The following OLFML3 variants were observed in gnomAD, a reference collection of about 807,000 sequenced individuals.
The protein encoded by OLFML3 is olfactomedin like 3.
A neutral mutation model predicts 36.0 loss-of-function variants in OLFML3; 26 were observed. That is an observed-to-expected ratio of 0.72 (90% CI 0.53 to 1.00). The LOEUF is 1.00. Ranked by LOEUF, OLFML3 falls within the 50% of genes least tolerant of loss-of-function variation. The pLI is 0.00. For synonymous variants in OLFML3, 184 were observed against 201.2 expected (o/e 0.91, Z 0.72); for missense variants, 503 against 519.4 (o/e 0.97, Z 0.31).
chr1:113,982,164 T>C lies in OLFML3; in HGVS notation c.*395T>C. 1 of 266,330 alleles carries C rather than the reference T, an allele frequency of 3.8e-6. No homozygotes were observed. The highest frequency in any genetic ancestry group is 4.2e-5 in the South Asian group (1 of 23,612). 16.5% of individuals were successfully genotyped at this position (266,330 alleles called of 1,614,324 possible). On this transcript the variant is annotated 3_prime_UTR_variant, in exon 3 of 3. Coordinates refer to ENST00000320334, the MANE Select transcript of OLFML3 (RefSeq NM_020190.5). Reference sequence around the variant, plus strand: ...GACGTCCAGCTCTGTCCTCTCTTCCTCACTCCTCCCTTCAGTGTCCTGAGG... The same window carrying C: ...GACGTCCAGCTCTGTCCTCTCTTCCCCACTCCTCCCTTCAGTGTCCTGAGG...
rs975436952 is a variant in OLFML3, at chr1:113,982,149, T to A, written c.*380T>A. The A allele has an allele frequency of 1.0e-5, 3 of 289,298 alleles. No individual in the cohort carries two copies. Among genetic ancestry groups the A allele is most frequent in the African/African-American group, 2.3e-5 (1 of 44,274 alleles). The allele number at this position is 289,298 out of a possible 1,614,324, so 17.9% of individuals were successfully genotyped here. A position where few individuals can be genotyped will look rare whatever the true frequency, so the allele number is the denominator to read the frequency against. On this transcript the variant is annotated 3_prime_UTR_variant, in exon 3 of 3. Transcript: ENST00000320334. ...GGAGAAATAGGAGGAGACGTCCAGC[T>A]CTGTCCTCTCTTCCTCACTCCTCCC...
Position 113,981,565 on chromosome 1 carries a change from T to C in OLFML3, c.1017T>C (p.Pro339=). The change falls in exon 3 of 3, where the codon CCT becomes CCC. Residue 339 remains proline, a synonymous_variant. Transcript: ENST00000320334. ...GTLYVVYNTR[P]ASRARIQCSF... ...TCTATGTCGTCTATAACACCCGTCC[T>C]GCCAGTCGGGCCCGCATCCAGTGCT... 6.2e-7 allele frequency: 1 copy of C among 1,614,132 alleles called. No individual in the cohort carries two copies. Among genetic ancestry groups the C allele is most frequent in the Non-Finnish European group, 8.5e-7 (1 of 1,180,012 alleles).
In OLFML3 at chr1:113,981,604, C is replaced by T. The variant is rs149670239; in HGVS notation, c.1056C>T (p.Ser352=). ...RARIQCSFDA[S]GTLTPERAAL... The stretch of plus-strand genomic sequence containing the variant: ...GCATCCAGTGCTCCTTTGATGCCAG[C>T]GGCACCCTGACCCCTGAACGGGCAG... Residue 352 remains serine (S), a synonymous_variant, in exon 3 of 3, where the codon AGC becomes AGT. Coordinates refer to ENST00000320334, the MANE Select transcript of OLFML3 (RefSeq NM_020190.5). 115 of 1,614,020 alleles carry T rather than the reference C, an allele frequency of 7.1e-5. No individual in the cohort carries two copies. Among genetic ancestry groups the T allele is most frequent in the African/African-American group, 6.7e-4 (50 of 74,984 alleles).
chr1:113,980,997 GA>G lies in OLFML3; in HGVS notation c.450del (p.Phe151LeufsTer22), dbSNP rs1673388050. 6.5e-7 allele frequency: 1 copy of G among 1,545,220 alleles called. No individual in the cohort carries two copies. Among genetic ancestry groups the G allele is most frequent in the Non-Finnish European group, 8.7e-7 (1 of 1,146,358 alleles). Reference protein sequence around the residue: ...SQVRSMKILKRFGGPAGLWTK... With the variant: ...SQVRSMKILKXFGGPAGLWTK... ...GTGAGATCAATGAAGATTCTGAAGC[GA>G]TTTGGTGGCCCAGCTGGTCTATGGA... On this transcript the variant is annotated frameshift_variant, in exon 3 of 3. Transcript: ENST00000320334. LOFTEE classifies it high-confidence loss of function.
chr1:113,980,795 G>T, intron 2 of OLFML3, 154 bp from the exon 3 acceptor site: 1 of 993,344 alleles, frequency 1.0e-6, no homozygotes, highest in Admixed American at 3.3e-5. Flanking sequence ...GATCCAGGCC[G>T]CTGTGGTACC....
chr1:113,981,085 A>G lies in OLFML3; in HGVS notation c.537A>G (p.Thr179=). Reference sequence around the variant, plus strand: ...TGTTAGATGGGACACAGAATGACACAGCCTTTGTCTTCCCAAGGCTGCGTG... The same window carrying G: ...TGTTAGATGGGACACAGAATGACACGGCCTTTGTCTTCCCAAGGCTGCGTG... ...IYVLDGTQND[T]AFVFPRLRDF... The change falls in exon 3 of 3, where the codon ACA becomes ACG. Residue 179 remains threonine, a synonymous_variant. Transcript: ENST00000320334. 1 of 1,613,072 alleles carries G rather than the reference A, an allele frequency of 6.2e-7. No homozygotes were observed. The highest frequency in any genetic ancestry group is 1.1e-5 in the South Asian group (1 of 90,916).
chr1:113,979,481 C>T lies in OLFML3; in HGVS notation c.-36C>T, dbSNP rs752498131. 79 of 1,460,528 alleles carry T rather than the reference C, an allele frequency of 5.4e-5. No homozygotes were observed. The highest frequency in any genetic ancestry group is 7.4e-5 in the Non-Finnish European group (77 of 1,040,642). 90.5% of individuals were successfully genotyped at this position (1,460,528 alleles called of 1,614,324 possible). ...GCTTGAGGGGAAGAGGCTGACTGTA[C>T]GTTCCTTCTACTCTGGCACCACTCT... On this transcript the variant is annotated 5_prime_UTR_variant, in exon 1 of 3. It adds an upstream start codon to the 5' untranslated region. Transcript: ENST00000320334.
rs766783173 is a variant in OLFML3, at chr1:113,981,750, A to G, written c.1202A>G (p.Lys401Arg). The G allele has an allele frequency of 2.5e-6, 4 of 1,613,548 alleles. No homozygotes were observed. Among genetic ancestry groups the G allele is most frequent in the Admixed American group, 3.3e-5 (2 of 59,952 alleles). ...YQIVYKLEMR[K>R]KEEEV The stretch of plus-strand genomic sequence containing the variant: ...ATTGTCTATAAGCTGGAGATGAGGA[A>G]GAAAGAGGAGGAGGTTTGAGGAGCT... The change falls in exon 3 of 3, where the codon AAG becomes AGG. Residue 401 changes from lysine to arginine, a missense_variant. Transcript: ENST00000320334.
In OLFML3 at chr1:113,980,416, G is replaced by A. The variant is rs367671137; in HGVS notation, c.199G>A (p.Glu67Lys). 1 of 1,612,564 alleles carries A rather than the reference G, an allele frequency of 6.2e-7. No individual in the cohort carries two copies. Among genetic ancestry groups the A allele is most frequent in the South Asian group, 1.1e-5 (1 of 90,778 alleles). The change falls in exon 2 of 3, where the codon GAG becomes AAG. Residue 67 changes from glutamate (E) to lysine (K), a missense_variant. Glu to Lys is a moderately conservative substitution (Grantham distance 56, BLOSUM62 1). Coordinates refer to ENST00000320334, the MANE Select transcript of OLFML3 (RefSeq NM_020190.5). ...DFKNKMLPLL[E>K]VAEKEREALR... ...CAAGAACAAGATGCTGCCACTGCTG[G>A]AGGTGGCAGAGAAGGAGCGGGAGGC... is the stretch of plus-strand genomic sequence containing the variant.
rs767359460 is a variant in OLFML3, at chr1:113,979,535, C to G, written c.19C>G (p.Leu7Val). ...GGCTGCCATGGGGCCCAGCACCCCT[C>G]TCCTCATCTTGTTCCTTTTGTCATG... MGPSTPLLILFLLSWSG... is the reference protein window; with the variant it reads MGPSTPVLILFLLSWSG... Residue 7 changes from leucine (L) to valine (V), a missense_variant, in exon 1 of 3, where the codon CTC becomes GTC. Coordinates refer to ENST00000320334, the MANE Select transcript of OLFML3 (RefSeq NM_020190.5). The G allele has an allele frequency of 6.2e-7, 1 of 1,614,014 alleles. No homozygotes were observed.
rs754704260 is a variant in OLFML3, at chr1:113,981,054, T to A, written c.506T>A (p.Ile169Asn). The change falls in exon 3 of 3, where the codon ATC becomes AAC. Residue 169 changes from isoleucine to asparagine, a missense_variant. Coordinates refer to ENST00000320334, the MANE Select transcript of OLFML3 (RefSeq NM_020190.5). ...GATCCACTGGGGCAAACAGAGAAGA[T>A]CTACGTGTTAGATGGGACACAGAAT... is the stretch of plus-strand genomic sequence containing the variant. ...TKDPLGQTEKIYVLDGTQNDT... is the reference protein window; with the variant it reads ...TKDPLGQTEKNYVLDGTQNDT... The A allele has an allele frequency of 1.2e-6, 2 of 1,606,354 alleles. No individual in the cohort carries two copies. The highest frequency in any genetic ancestry group is 8.5e-7 in the Non-Finnish European group (1 of 1,175,408).
chr1:113,979,596 T>A lies in OLFML3; in HGVS notation c.80T>A (p.Val27Glu). 1 of 1,613,962 alleles carries A rather than the reference T, an allele frequency of 6.2e-7. No homozygotes were observed. The highest frequency in any genetic ancestry group is 1.1e-5 in the South Asian group (1 of 91,076). The stretch of plus-strand genomic sequence containing the variant: ...CTCCAAGGACAGCAGCACCACCTTG[T>A]GGAGTACATGGAACGCCGACTAGCT... ...GPLQGQQHHL[V>E]EYMERRLAAL... The change falls in exon 1 of 3, where the codon GTG becomes GAG. Residue 27 changes from valine to glutamate, a missense_variant. Physicochemically the swap from Val to Glu is moderately radical, Grantham distance 121. Coordinates refer to ENST00000320334, the MANE Select transcript of OLFML3 (RefSeq NM_020190.5).
In OLFML3 at chr1:113,981,258, A is replaced by C. The variant is rs1312593729; in HGVS notation, c.710A>C (p.Asn237Thr). 1.2e-6 allele frequency: 2 copies of C among 1,612,306 alleles called. No homozygotes were observed. Among genetic ancestry groups the C allele is most frequent in the African/African-American group, 2.7e-5 (2 of 74,864 alleles). The change falls in exon 3 of 3, where the codon AAC becomes ACC. Residue 237 changes from asparagine (N) to threonine (T), a missense_variant. By Grantham distance (65) the Asn-to-Thr change is moderately conservative. Coordinates refer to ENST00000320334, the MANE Select transcript of OLFML3 (RefSeq NM_020190.5). ...GRPGGGGEME[N>T]TLQLIKFHLA... ...CCTGGTGGAGGTGGTGAGATGGAGA[A>C]CACTTTGCAGCTAATCAAATTCCAC...
Position 113,981,857 on chromosome 1 carries a change from G to A in OLFML3, c.*88G>A, listed in dbSNP as rs966873586. 1.6e-6 allele frequency: 2 copies of A among 1,238,512 alleles called. No individual in the cohort carries two copies. The highest frequency in any genetic ancestry group is 4.2e-5 in the Admixed American group (2 of 47,498). The allele number at this position is 1,238,512 out of a possible 1,614,324, so 76.7% of individuals were successfully genotyped here. ...ATTTCTTGTTCCTCATTCTTCAAAT[G>A]TGGGCCAGTTGTGGCTCAAATCCTC... is the stretch of plus-strand genomic sequence containing the variant. On this transcript the variant is annotated 3_prime_UTR_variant, in exon 3 of 3. Transcript: ENST00000320334.
At chr1:113,980,240 C>G in intron 1 of OLFML3, 92 bp from the exon 2 acceptor site, 4 of 1,524,074 alleles carry the variant, frequency 2.6e-6, no homozygotes, top group Non-Finnish European at 2.6e-6. Flanking sequence ...TGAGTTTGCT[C>G]TTTTTTTCCC....
chr1:113,981,423 A>G lies in OLFML3; in HGVS notation c.875A>G (p.Asp292Gly), dbSNP rs1468912294. 1.9e-6 allele frequency: 3 copies of G among 1,612,898 alleles called. No individual in the cohort carries two copies. ...GLWAVYATREDDRHLCLAKLD... is the reference protein window; with the variant it reads ...GLWAVYATREGDRHLCLAKLD... ...TGGGCTGTCTATGCCACCCGGGAGG[A>G]TGACAGGCACTTGTGTCTGGCCAAG... Residue 292 changes from aspartate to glycine, a missense_variant, in exon 3 of 3, where the codon GAT becomes GGT. Transcript: ENST00000320334.
chr1:113,980,415 G>A lies in OLFML3; in HGVS notation c.198G>A (p.Leu66=). The A allele has an allele frequency of 6.2e-7, 1 of 1,612,334 alleles. No individual in the cohort carries two copies. The highest frequency in any genetic ancestry group is 1.7e-5 in the Admixed American group (1 of 59,828). ...TCAAGAACAAGATGCTGCCACTGCT[G>A]GAGGTGGCAGAGAAGGAGCGGGAGG... ...RDFKNKMLPL[L]EVAEKEREAL... The change falls in exon 2 of 3, where the codon CTG becomes CTA. Residue 66 remains leucine (L), a synonymous_variant. Coordinates refer to ENST00000320334, the MANE Select transcript of OLFML3 (RefSeq NM_020190.5).
At chr1:113,980,198 T>C in intron 1 of OLFML3, 134 bp from the exon 2 acceptor site, 2 of 1,517,974 alleles carry the variant, frequency 1.3e-6, no homozygotes, top group Non-Finnish European at 1.8e-6. Flanking sequence ...TTTCCTTTTC[T>C]GCAGGAGTGG....
At chr1:113,980,187 G>T (rs1445820000) in intron 1 of OLFML3, 145 bp from the exon 2 acceptor site, 81 of 1,513,688 alleles carry the variant, frequency 5.4e-5, no homozygotes, top group Non-Finnish European at 7.1e-5. Flanking sequence ...TGCACATCTG[G>T]TTTCCTTTTC....
Sources: gnomAD v4.1 joint callset for allele counts on GRCh38, gnomAD v4.1.1 for gene constraint, MANE v1.5 for transcripts, NCBI Gene and HGNC (gene_info 2026-07-23, HGNC 2026-07-21) for gene names.